The following SNTG1 variants were observed in gnomAD, a reference collection of about 807,000 sequenced individuals.
SNTG1 encodes syntrophin gamma 1.
A neutral mutation model predicts 74.7 loss-of-function variants in SNTG1; 39 were observed. The ratio of observed to expected loss-of-function variants is 0.52; its 90% confidence interval spans 0.40 to 0.68. The LOEUF (loss-of-function observed/expected upper bound fraction) is 0.68, where lower values mean the gene tolerates loss of function less well. Among genes scored for constraint, SNTG1 ranks in the 30% least tolerant of loss-of-function variants. The pLI is 0.00. For synonymous variants in SNTG1, 254 were observed against 217.1 expected, an observed-to-expected ratio of 1.17 and a Z score of -1.49; for missense variants, 685 against 609.5, an observed-to-expected ratio of 1.12 and a Z score of -1.30.
At chr8:50,497,535 T>A (rs967546964) in intron 8 of SNTG1, among the ~76,000 whole-genome samples, 17 of 151,854 alleles carry the variant, frequency 1.1e-4, no homozygotes, top group Admixed American at 1.1e-3. Flanking sequence ...TACAAATACA[T>A]AAGCCAAGTT....
chr8:50,759,563 G>A (rs2095591811), intron 18 of SNTG1, among the ~76,000 whole-genome samples: 1 of 152,072 alleles, frequency 6.6e-6, no homozygotes, highest in East Asian at 1.9e-4. Context: ...TATTAAATAG[G>A]GAATCCCTTC....
chr8:50,114,590 G>A (rs2131322576), intron 1 of SNTG1, among the ~76,000 whole-genome samples: 1 of 152,266 alleles, frequency 6.6e-6, no homozygotes, highest in South Asian at 2.1e-4. Flanking sequence ...AACAAAGCCG[G>A]GCGCAGTGGC....
chr8:50,785,975 C>T (rs572415889), intron 18 of SNTG1, among the ~76,000 whole-genome samples: 11 of 151,970 alleles, frequency 7.2e-5, no homozygotes, highest in Middle Eastern at 3.4e-3. Flanking sequence ...AATAAGTATA[C>T]TGAAGAAAAC....
intron 5 of SNTG1, among the ~76,000 whole-genome samples, chr8:50,446,266 T>C (rs2093406481): frequency 6.6e-6 from 1 of 152,168 alleles, no homozygotes; most frequent in African/African-American, 2.4e-5. Context: ...CAGCGTGATT[T>C]TGAGTTCCAA....
intron 5 of SNTG1, among the ~76,000 whole-genome samples, chr8:50,444,977 C>G (rs1171176778): frequency 1.3e-5 from 2 of 152,044 alleles, no homozygotes; most frequent in African/African-American, 4.8e-5. Context: ...CAGATCTTTG[C>G]AAGTATCACG....
chr8:50,595,155 C>A (rs2094718791), intron 13 of SNTG1, among the ~76,000 whole-genome samples: 1 of 151,530 alleles, frequency 6.6e-6, no homozygotes, highest in Admixed American at 6.6e-5. Flanking sequence ...AGAAACTCTC[C>A]TAGTTCTTTA....
chr8:50,092,597 C>A (rs2079780194), intron 1 of SNTG1, among the ~76,000 whole-genome samples: 1 of 152,160 alleles, frequency 6.6e-6, no homozygotes, highest in Admixed American at 6.5e-5. Context: ...TAGGACACTT[C>A]CACCCCATTT....
chr8:50,271,188 AAT>A (rs1484852983), intron 2 of SNTG1, among the ~76,000 whole-genome samples: 1 of 152,184 alleles, frequency 6.6e-6, no homozygotes, highest in African/African-American at 2.4e-5. Context: ...TGTTATTAAA[AAT>A]ATGTCAGCTT....
intron 8 of SNTG1, among the ~76,000 whole-genome samples, chr8:50,489,835 GT>G (rs1244946077): frequency 6.6e-6 from 1 of 152,144 alleles, no homozygotes; most frequent in Non-Finnish European, 1.5e-5. Context: ...TAGTCATGAA[GT>G]CTTTGCCCAT....
chr8:50,201,464 T>C (rs2083983855), intron 2 of SNTG1, among the ~76,000 whole-genome samples: 1 of 152,190 alleles, frequency 6.6e-6, no homozygotes, highest in South Asian at 2.1e-4. Context: ...AATGAACCAA[T>C]ATTAGTATGT....
At chr8:49,982,432 T>G (rs899744370) in intron 1 of SNTG1, among the ~76,000 whole-genome samples, 2 of 152,050 alleles carry the variant, frequency 1.3e-5, no homozygotes, top group African/African-American at 4.8e-5. Flanking sequence ...TAGCTAATTT[T>G]GAATCTTTTC....
At chr8:50,209,496 C>G (rs1188444143) in intron 2 of SNTG1, among the ~76,000 whole-genome samples, 1 of 152,170 alleles carries the variant, frequency 6.6e-6, no homozygotes, top group Non-Finnish European at 1.5e-5. Context: ...ACACCTCATA[C>G]AGCCAGGTGC....
At chr8:50,670,636 C>T (rs2095276219) in intron 15 of SNTG1, among the ~76,000 whole-genome samples, 1 of 141,390 alleles carries the variant, frequency 7.1e-6, no homozygotes, top group Admixed American at 7.1e-5. Context: ...TTTATAGATT[C>T]AATGCCATCC....
chr8:50,420,073 A>G (rs1317258690), intron 4 of SNTG1, among the ~76,000 whole-genome samples: 1 of 152,180 alleles, frequency 6.6e-6, no homozygotes, highest in Non-Finnish European at 1.5e-5. Flanking sequence ...ATTTGAGCAG[A>G]GTCCCCTGAG....
intron 12 of SNTG1, among the ~76,000 whole-genome samples, chr8:50,577,626 CA>C (rs1286566033): frequency 6.6e-6 from 1 of 151,902 alleles, no homozygotes; most frequent in Non-Finnish European, 1.5e-5. Context: ...ACATAAAATA[CA>C]TTTTTAGAAA....
chr8:49,986,845 G>C (rs1366597240), intron 1 of SNTG1, among the ~76,000 whole-genome samples: 1 of 152,058 alleles, frequency 6.6e-6, no homozygotes, highest in Non-Finnish European at 1.5e-5. Flanking sequence ...CACTCCACTT[G>C]GGCGTCAGAG....
chr8:50,584,099 A>T (rs958823967), intron 12 of SNTG1, among the ~76,000 whole-genome samples: 2 of 152,152 alleles, frequency 1.3e-5, no homozygotes, highest in Non-Finnish European at 2.9e-5. Flanking sequence ...AAAGGACATG[A>T]ACTCATCCTT....
chr8:49,920,293 G>A (rs184155775), intron 1 of SNTG1, among the ~76,000 whole-genome samples: 2 of 152,112 alleles, frequency 1.3e-5, no homozygotes, highest in Admixed American at 6.5e-5. Context: ...ATGATTGTTA[G>A]AGTCCTGTTT....
intron 1 of SNTG1, among the ~76,000 whole-genome samples, chr8:49,943,599 T>C (rs1185663196): frequency 6.6e-6 from 1 of 152,236 alleles, no homozygotes; most frequent in African/African-American, 2.4e-5. Context: ...TTCTCTTTTG[T>C]CCAATTTGCA....
Sources: gnomAD v4.1 joint callset for allele counts (sites outside exome capture counted in the v4.1 genomes callset) on GRCh38, gnomAD v4.1.1 for gene constraint, MANE v1.5 for transcripts, NCBI Gene and HGNC (gene_info 2026-07-23, HGNC 2026-07-21) for gene names.